MGAT5: variants seen among roughly 807,000 people sequenced by gnomAD.
MGAT5 encodes the protein alpha-1,6-mannosylglycoprotein 6-beta-N-acetylglucosaminyltransferase.
A neutral mutation model predicts 94.3 loss-of-function variants in MGAT5; 30 were observed. The observed-to-expected ratio is 0.32, with a 90% confidence interval of 0.24 to 0.43. The LOEUF (loss-of-function observed/expected upper bound fraction) is 0.43, where lower values mean the gene tolerates loss of function less well. Among genes scored for constraint, MGAT5 ranks in the 20% least tolerant of loss-of-function variants. MGAT5 has a pLI of 1.00. For missense variants in MGAT5, 691 were observed against 905.5 expected (o/e 0.76, Z 3.04); for synonymous variants, 310 against 322.9 (o/e 0.96, Z 0.43).
At chr2:134,398,693 G>A (rs1427338795) in intron 10 of MGAT5, among the ~76,000 whole-genome samples, 2 of 152,050 alleles carry the variant, frequency 1.3e-5, no homozygotes, top group African/African-American at 2.4e-5. Flanking sequence ...GTCCATCAGC[G>A]GATGAATGGA....
At chr2:134,400,153 G>T (rs1186180308) in intron 10 of MGAT5, among the ~76,000 whole-genome samples, 1 of 152,172 alleles carries the variant, frequency 6.6e-6, no homozygotes, top group Admixed American at 6.5e-5. Flanking sequence ...AGAACCACAG[G>T]TGCAAAACTG....
intron 1 of MGAT5, among the ~76,000 whole-genome samples, chr2:134,156,903 C>G (rs564713496): frequency 4.1e-4 from 63 of 152,296 alleles, no homozygotes; most frequent in Non-Finnish European, 7.8e-4. Flanking sequence ...AGGTTTGATG[C>G]AGCATGCCTT....
chr2:134,317,767 C>T (rs778568718), intron 3 of MGAT5, among the ~76,000 whole-genome samples, 162 bp downstream of exon 3: 2 of 152,102 alleles, frequency 1.3e-5, no homozygotes, highest in African/African-American at 4.8e-5. Context: ...GCTATGACAA[C>T]CCTGCTATGC....
chr2:134,223,560 A>G (rs1010856925), intron 1 of MGAT5, among the ~76,000 whole-genome samples: 20 of 150,946 alleles, frequency 1.3e-4, no homozygotes, highest in African/African-American at 5.0e-4. Context: ...ATAATCTGCT[A>G]CTTTCTAGAG....
intron 1 of MGAT5, among the ~76,000 whole-genome samples, chr2:134,227,190 C>T (rs922793601): frequency 1.3e-5 from 2 of 152,140 alleles, no homozygotes; most frequent in African/African-American, 4.8e-5. Flanking sequence ...ATACTCTTTC[C>T]CACTGAAAAG....
chr2:134,179,956 A>G (rs1449173968), intron 1 of MGAT5, among the ~76,000 whole-genome samples: 3 of 152,232 alleles, frequency 2.0e-5, no homozygotes, highest in Non-Finnish European at 1.5e-5. Flanking sequence ...ACCTCTGGTC[A>G]TCCTCACTGC....
intron 1 of MGAT5, among the ~76,000 whole-genome samples, chr2:134,134,238 G>A (rs1303895433): frequency 6.6e-6 from 1 of 152,102 alleles, no homozygotes; most frequent in Non-Finnish European, 1.5e-5. Flanking sequence ...TTGTTCAGAT[G>A]GATGGCTGTC....
chr2:134,194,233 G>C (rs1350043744), intron 1 of MGAT5, among the ~76,000 whole-genome samples: 1 of 152,134 alleles, frequency 6.6e-6, no homozygotes, highest in Non-Finnish European at 1.5e-5. Flanking sequence ...AAATAACTAT[G>C]TTGTGCCAAC....
chr2:134,253,972 CT>C (rs1359971138), upstream of MGAT5, among the ~76,000 whole-genome samples: 6 of 152,210 alleles, frequency 3.9e-5, no homozygotes, highest in African/African-American at 1.4e-4. Flanking sequence ...CTTCTGTCTC[CT>C]CCCCACCTTG....
chr2:134,264,552 T>G (rs906896610), intron 1 of MGAT5, among the ~76,000 whole-genome samples: 1 of 152,220 alleles, frequency 6.6e-6, no homozygotes, highest in South Asian at 2.1e-4. Flanking sequence ...TTCCAGTTCT[T>G]ATCTGTAATA....
intron 2 of MGAT5, among the ~76,000 whole-genome samples, chr2:134,283,894 T>A (rs528102137): frequency 6.6e-6 from 1 of 152,142 alleles, no homozygotes. Context: ...AATTTGTGAC[T>A]GGCTAGCAAT....
chr2:134,412,804 A>ATGCCCGTCC (rs1683747357), intron 11 of MGAT5, 65 bp from the exon 12 acceptor site: 1 of 1,583,836 alleles, frequency 6.3e-7, no homozygotes. Flanking sequence ...CAAGCTAGGA[A>ATGCCCGTCC]TGCCCGTCCT....
chr2:134,175,804 G>A (rs1688435814), intron 1 of MGAT5, among the ~76,000 whole-genome samples: 1 of 152,222 alleles, frequency 6.6e-6, no homozygotes, highest in Non-Finnish European at 1.5e-5. Flanking sequence ...AGAAAGGGGT[G>A]GAGGCCGCTT....
chr2:134,189,602 G>GTTTTTTTTTT lies in MGAT5; in HGVS notation c.-142-64651_-142-64642dup, dbSNP rs912983981. On this transcript the variant is annotated intron_variant, in intron 1 of 16. Transcript: ENST00000409645. ...AACCTCATGGCTCTAGTTTTTTTTT[G>GTTTTTTTTTT]TTTTTTTTTTTTTTTTTTAAGACAG... Among the ~76,000 whole-genome samples, 262 of 84,506 alleles carry GTTTTTTTTTT rather than the reference G, an allele frequency of 3.1e-3. 1 individual carries two copies. The highest frequency in any genetic ancestry group is 7.3e-3 in the East Asian group (22 of 3,028). 55.4% of individuals were successfully genotyped at this position (84,506 alleles called of 152,430 possible).
In MGAT5 at chr2:134,298,439, T is replaced by C. The variant is rs530928445; in HGVS notation, c.407-19090T>C. Among the ~76,000 whole-genome samples, 11 of 152,338 alleles carry C rather than the reference T, an allele frequency of 7.2e-5. No individual in the cohort carries two copies. The South Asian group carries it at 1.4e-3, about 20-fold the overall frequency. ...ATCACCAAATAAAAATTATGGTGTT[T>C]ATAAAAAATGTAGAGTTAGAACACT... On this transcript the variant is annotated intron_variant, in intron 2 of 15. Coordinates refer to ENST00000281923, the MANE Select transcript of MGAT5 (RefSeq NM_002410.5).
intron 1 of MGAT5, among the ~76,000 whole-genome samples, chr2:134,265,905 C>T (rs986831435): frequency 6.6e-6 from 1 of 152,084 alleles, no homozygotes; most frequent in African/African-American, 2.4e-5. Flanking sequence ...CGCGGTGGCT[C>T]ATGCCTGTAA....
At chr2:134,340,247 A>G (rs1573857992) in intron 6 of MGAT5, among the ~76,000 whole-genome samples, 1 of 152,172 alleles carries the variant, frequency 6.6e-6, no homozygotes, top group East Asian at 1.9e-4. Context: ...TGCTGTTTCT[A>G]CTAAGTGGTA....
chr2:134,414,160 GTTT>G (rs71338129), intron 12 of MGAT5, among the ~76,000 whole-genome samples: 1 of 110,630 alleles, frequency 9.0e-6, no homozygotes, highest in Non-Finnish European at 1.8e-5. Context: ...TGTGTGTGTG[GTTT>G]TTTTTTTTTT....
intron 1 of MGAT5, among the ~76,000 whole-genome samples, chr2:134,228,441 G>A (rs74900173): frequency 0.015 from 2,275 of 152,208 alleles, 64 homozygotes; most frequent in African/African-American, 0.052. Flanking sequence ...TTTTTCTCCC[G>A]GATAAATATC....
Sources: allele counts gnomAD v4.1 joint callset (sites outside exome capture counted in the v4.1 genomes callset), GRCh38; gene constraint gnomAD v4.1.1; transcripts MANE v1.5; gene names NCBI Gene and HGNC (gene_info 2026-07-23, HGNC 2026-07-21).